Variants in DDX27 observed in about 807,000 individuals in gnomAD.
DDX27 encodes probable ATP-dependent RNA helicase DDX27.
In DDX27, 42 loss-of-function variants were observed where a neutral mutation model predicts 99.3. The ratio of observed to expected loss-of-function variants is 0.42; its 90% confidence interval spans 0.33 to 0.55. DDX27 has a LOEUF of 0.55. DDX27 is among the 20% of genes least tolerant of loss of function. The pLI is 0.07. For synonymous variants in DDX27, 329 were observed against 353.8 expected (o/e 0.93, Z 0.79); for missense variants, 798 against 976.8 (o/e 0.82, Z 2.44).
Position 49,229,650 on chromosome 20 carries a change from C to CTTTTTT in DDX27, c.881-538_881-533dup, listed in dbSNP as rs71186442. ...AGTCCTTGAATGTTTCAGGCATTCT[C>CTTTTTT]TTTTTTTTTTTTTTTTGAGAGGAAG... is the stretch of plus-strand genomic sequence containing the variant. On this transcript the variant is annotated intron_variant, in intron 8 of 20. Transcript: ENST00000618172. Among the ~76,000 whole-genome samples, 181 of 134,342 alleles carry CTTTTTT rather than the reference C, an allele frequency of 1.3e-3. 1 individual carries two copies. The highest frequency in any genetic ancestry group is 1.9e-3 in the Non-Finnish European group (119 of 63,962). The allele number at this position is 134,342 out of a possible 152,430, so 88.1% of individuals were successfully genotyped here. A position where few individuals can be genotyped will look rare whatever the true frequency, so the allele number is the denominator to read the frequency against.
At chr20:49,221,193 C>G (rs1979664824) in intron 1 of DDX27, among the ~76,000 whole-genome samples, 1 of 152,222 alleles carries the variant, frequency 6.6e-6, no homozygotes, top group Admixed American at 6.5e-5. Context: ...AACTCCTGAC[C>G]TTGTGATCCA....
intron 8 of DDX27, among the ~76,000 whole-genome samples, chr20:49,229,398 C>T (rs983165902): frequency 1.3e-5 from 2 of 152,120 alleles, no homozygotes; most frequent in South Asian, 2.1e-4. Flanking sequence ...ACAAATGAAA[C>T]CTGAAAACTA....
In DDX27 at chr20:49,236,605, C is replaced by G; in HGVS notation, c.1687+95C>G. 1.6e-6 allele frequency: 2 copies of G among 1,267,710 alleles called. No homozygotes were observed. The highest frequency in any genetic ancestry group is 2.1e-6 in the Non-Finnish European group (2 of 965,216). The allele number at this position is 1,267,710 out of a possible 1,614,324, so 78.5% of individuals were successfully genotyped here. A position where few individuals can be genotyped will look rare whatever the true frequency, so the allele number is the denominator to read the frequency against. ...AGAGCAGGTACTTTGCAGTTCAGAG[C>G]CAGATTTGAATTCCAGCCCTGCTGC... On this transcript the variant is annotated intron_variant, in intron 14 of 20. Coordinates refer to ENST00000618172, the MANE Select transcript of DDX27 (RefSeq NM_017895.8). This position sits in a 1 kb window ranked among gnomAD's most constrained non-coding sequence, Gnocchi z 4.1.
At chr20:49,243,282 A>C (rs1039032073) in intron 19 of DDX27, among the ~76,000 whole-genome samples, 6 of 152,038 alleles carry the variant, frequency 3.9e-5, no homozygotes, top group Admixed American at 3.9e-4. Context: ...TAACTCTTTC[A>C]TCTCAAGTTC....
chr20:49,225,095 T>C lies in DDX27; in HGVS notation c.514-18T>C, dbSNP rs1979833126. 6.2e-7 allele frequency: 1 copy of C among 1,613,112 alleles called. No individual in the cohort carries two copies. The highest frequency in any genetic ancestry group is 8.5e-7 in the Non-Finnish European group (1 of 1,179,358). ...CTTTTTGTTGAATTCTCTTCTCTCT[T>C]TTGGTTTTCTGGTGTAGGAAGCAGG... On this transcript the variant is annotated intron_variant, in intron 5 of 20. Transcript: ENST00000618172.
At position 49,234,065 on chromosome 20, in the gene DDX27, G is replaced by A. The variant is rs572544241; in HGVS notation, c.1273+356G>A. 62 of 235,956 alleles carry A rather than the reference G, an allele frequency of 2.6e-4. 1 individual carries two copies. The South Asian group carries it at 6.1e-3, about 23-fold the overall frequency. 14.6% of individuals were successfully genotyped at this position (235,956 alleles called of 1,614,324 possible). ...CTTTTGTGACTCTCTGCATTGCAGA[G>A]CATTTACAATGATTGCTTGCAGAAG... is the stretch of plus-strand genomic sequence containing the variant. On this transcript the variant is annotated intron_variant, in intron 11 of 20. Coordinates refer to ENST00000618172, the MANE Select transcript of DDX27 (RefSeq NM_017895.8).
intron 7 of DDX27, among the ~76,000 whole-genome samples, chr20:49,228,038 A>G (rs1471556338): frequency 6.6e-6 from 1 of 151,138 alleles, no homozygotes; most frequent in African/African-American, 2.4e-5. Context: ...ACAGGGTTTT[A>G]CTATCTTGGC....
At chr20:49,235,233 A>C in intron 12 of DDX27, 145 bp downstream of exon 12, 1 of 865,640 alleles carries the variant, frequency 1.2e-6, no homozygotes, top group Non-Finnish European at 1.7e-6. Flanking sequence ...TAACCTAACC[A>C]CTGTGAGGTC....
chr20:49,231,028 CTGTCGA>C (rs1980092093), intron 9 of DDX27: 1 of 152,392 alleles, frequency 6.6e-6, no homozygotes, highest in Non-Finnish European at 1.5e-5. Context: ...CACAGCCCGC[CTGTCGA>C]CACAGCCTGG....
chr20:49,234,096 C>T (rs1600972833), intron 11 of DDX27: 1 of 193,268 alleles, frequency 5.2e-6, no homozygotes, highest in East Asian at 1.1e-4. Context: ...AGAAGACATT[C>T]GTACTTATTA....
At chr20:49,239,393 A>C in intron 16 of DDX27, 55 bp downstream of exon 16, 24 of 1,326,802 alleles carry the variant, frequency 1.8e-5, no homozygotes, top group Non-Finnish European at 2.4e-5. Flanking sequence ...CACAGGACTC[A>C]GCAGTTCCAT....
intron 9 of DDX27, chr20:49,231,254 G>A (rs1980100202): frequency 6.6e-6 from 1 of 152,244 alleles, no homozygotes; most frequent in South Asian, 2.1e-4. Flanking sequence ...CTCTCCCTAG[G>A]ATACAGTATT....
Position 49,225,157 on chromosome 20 carries a change from C to T in DDX27, c.558C>T (p.Asn186=), listed in dbSNP as rs570452790. The change falls in exon 6 of 21, where the codon AAC becomes AAT. Residue 186 remains asparagine (N), a synonymous_variant. Coordinates refer to ENST00000618172, the MANE Select transcript of DDX27 (RefSeq NM_017895.8). ...AAGATGCATCTCAGTACGATGAAAA[C>T]CTCTCGTTCCAGGACATGAACCTTT... is the stretch of plus-strand genomic sequence containing the variant. The part of the protein sequence containing the change: ...FFEDASQYDE[N]LSFQDMNLSR... 39 of 1,613,928 alleles carry T rather than the reference C, an allele frequency of 2.4e-5. No individual in the cohort carries two copies. The highest frequency in any genetic ancestry group is 3.3e-5 in the Non-Finnish European group (39 of 1,179,950).
intron 16 of DDX27, 112 bp from the exon 17 acceptor site, chr20:49,241,781 C>A (rs1446724804): frequency 1.6e-6 from 2 of 1,226,632 alleles, no homozygotes; most frequent in Non-Finnish European, 2.3e-6. Context: ...GAAGTGCTTG[C>A]CGCTTTTCAT....
intron 8 of DDX27, among the ~76,000 whole-genome samples, chr20:49,229,481 T>C (rs1251449394): frequency 6.6e-6 from 1 of 152,136 alleles, no homozygotes; most frequent in Non-Finnish European, 1.5e-5. Flanking sequence ...GAATCAAATA[T>C]TACTTTGGGC....
chr20:49,232,079 G>T (rs1368003399), intron 9 of DDX27, among the ~76,000 whole-genome samples: 1 of 151,964 alleles, frequency 6.6e-6, no homozygotes, highest in African/African-American at 2.4e-5. Context: ...TAGAGACGGG[G>T]TCTCGCTATG....
At position 49,228,739 on chromosome 20, in the gene DDX27, C is replaced by G; in HGVS notation, c.731C>G (p.Pro244Arg). The change falls in exon 8 of 21, where the codon CCT becomes CGT. Residue 244 changes from proline (P) to arginine (R), a missense_variant. This residue lies in a region of DDX27 where 553 missense variants were observed against 727.9 expected (regional missense o/e 0.76). Coordinates refer to ENST00000618172, the MANE Select transcript of DDX27 (RefSeq NM_017895.8). Reference protein sequence around the residue: ...GTGKTAAFALPVLERLIYKPR... With the variant: ...GTGKTAAFALRVLERLIYKPR... ...GGTAAAACTGCCGCCTTTGCCCTGCCTGTTTTGGAGCGTCTGATTTATAAA... is the reference window on the plus strand; with the variant it reads ...GGTAAAACTGCCGCCTTTGCCCTGCGTGTTTTGGAGCGTCTGATTTATAAA... 1 of 1,608,628 alleles carries G rather than the reference C, an allele frequency of 6.2e-7. No individual in the cohort carries two copies. The highest frequency in any genetic ancestry group is 8.5e-7 in the Non-Finnish European group (1 of 1,176,272).
Position 49,219,555 on chromosome 20 carries a change from T to C in DDX27, c.93+14T>C. The stretch of plus-strand genomic sequence containing the variant: ...GAGGAAGAGGAGGTATGAGCACGGT[T>C]CTGGTCTTTGGGTTTCCTTGACTGC... On this transcript the variant is annotated intron_variant, in intron 1 of 20. Transcript: ENST00000618172. The C allele has an allele frequency of 6.3e-7, 1 of 1,599,554 alleles. No individual in the cohort carries two copies. Among genetic ancestry groups the C allele is most frequent in the South Asian group, 1.1e-5 (1 of 90,198 alleles).
intron 8 of DDX27, 147 bp downstream of exon 8, chr20:49,229,035 T>A: frequency 3.9e-6 from 2 of 519,140 alleles, no homozygotes; most frequent in Non-Finnish European, 2.9e-6. Flanking sequence ...GAAGACTTTT[T>A]TTTTTTTTTT....
Sources: gnomAD v4.1 joint callset for allele counts (sites outside exome capture counted in the v4.1 genomes callset) on GRCh38, gnomAD v4.1.1 for gene constraint, gnomAD v4.1.1 regional missense constraint, Gnocchi (gnomAD v3.1) non-coding constraint, MANE v1.5 for transcripts, NCBI Gene and HGNC (gene_info 2026-07-23, HGNC 2026-07-21) for gene names.